Variants in PRCD observed in about 807,000 individuals in gnomAD.
PRCD encodes the protein photoreceptor disc component, also known as photoreceptor disk component PRCD.
A neutral mutation model predicts 10.1 loss-of-function variants in PRCD; 12 were observed. That is an observed-to-expected ratio of 1.18 (90% confidence interval 0.76 to 1.92). The LOEUF (loss-of-function observed/expected upper bound fraction) is 1.92. Among genes scored for constraint, PRCD ranks in the 40% most tolerant of loss-of-function variants. The pLI is 0.00. For missense variants in PRCD, 61 were observed against 72.2 expected (o/e 0.84, Z 0.56); for synonymous variants, 31 against 26.2 (o/e 1.18, Z -0.56).
Position 76,542,497 on chromosome 17 carries a change from GA to G in PRCD, c.144-53del. 1.9e-6 allele frequency: 3 copies of G among 1,609,788 alleles called. No homozygotes were observed. In the South Asian group the frequency reaches 3.3e-5, roughly 18 times the overall value. ...GGGAGGAGGAGGAAGAGGAGAGTCA[GA>G]AACATGGGAAGGTCGTGCCCTTCAA... On this transcript the variant is annotated intron_variant, in intron 2 of 4. Transcript: ENST00000592014.
intron 2 of PRCD, 50 bp from the exon 3 acceptor site, chr17:76,542,503 T>C: frequency 6.2e-7 from 1 of 1,609,150 alleles, no homozygotes; most frequent in Non-Finnish European, 8.5e-7. Flanking sequence ...GTCAGAAACA[T>C]GGGAAGGTCG....
In PRCD at chr17:76,543,972, G is replaced by T; in HGVS notation, c.*322G>T. 6.5e-6 allele frequency: 3 copies of T among 464,390 alleles called. No individual in the cohort carries two copies. Among genetic ancestry groups the T allele is most frequent in the South Asian group, 4.7e-5 (3 of 64,502 alleles). The allele number at this position is 464,390 out of a possible 1,614,324, so 28.8% of individuals were successfully genotyped here. A position where few individuals can be genotyped will look rare whatever the true frequency, so the allele number is the denominator to read the frequency against. ...GCGTGTGTTCCAAACGGGCAGTAGC[G>T]TGTGGGAAGGAAAAAGCCTGACACT... On this transcript the variant is annotated 3_prime_UTR_variant, in exon 5 of 5. Transcript: ENST00000592014.
chr17:76,528,456 G>A lies in PRCD; in HGVS notation n.45+623G>A, dbSNP rs1205872383. ...TGGCCGCCACAGAGGCCTCCTTCGG[G>A]GAAGTTGAGTCAGGGATTCCTCCAG... On this transcript the variant is annotated intron_variant and non_coding_transcript_variant, in intron 1 of 4. Coordinates refer to the PRCD transcript ENST00000397633. This position sits in a 1 kb window ranked among gnomAD's most constrained non-coding sequence, Gnocchi z 5.8. 5.2e-6 allele frequency: 5 copies of A among 966,468 alleles called. No individual in the cohort carries two copies. The South Asian group carries it at 1.2e-4, about 23-fold the overall frequency. 59.9% of individuals were successfully genotyped at this position (966,468 alleles called of 1,614,324 possible).
rs1050578466 is a variant in PRCD at position 76,531,582 on chromosome 17, C to A, written n.45+3749C>A. ...ACGACAGTGTTGAGGGCCCCCATGA[C>A]TCGGCAGGCGTGCTTCCGCAGCTGG... is the stretch of plus-strand genomic sequence containing the variant. On this transcript the variant is annotated intron_variant and non_coding_transcript_variant, in intron 1 of 4. Transcript: ENST00000397633. This position sits in a 1 kb window ranked among gnomAD's most constrained non-coding sequence, Gnocchi z 7.4. 6.2e-7 allele frequency: 1 copy of A among 1,614,080 alleles called. No homozygotes were observed. The highest frequency in any genetic ancestry group is 1.7e-5 in the Admixed American group (1 of 60,028).
chr17:76,528,564 T>G lies in PRCD; in HGVS notation n.45+731T>G, dbSNP rs775552141. On this transcript the variant is annotated intron_variant and non_coding_transcript_variant, in intron 1 of 4. Transcript: ENST00000397633. The surrounding 1 kb of genome is among the most constrained non-coding windows in gnomAD (Gnocchi z 5.8). ...CTCGAGGTGCTGCCAGGGAGGGGGGTGGAGTTAGGGGTCCTACGGCCCCGA... is the reference window on the plus strand; with the variant it reads ...CTCGAGGTGCTGCCAGGGAGGGGGGGGGAGTTAGGGGTCCTACGGCCCCGA... The G allele has an allele frequency of 4.9e-5, 62 of 1,260,722 alleles. No homozygotes were observed. The highest frequency in any genetic ancestry group is 1.9e-4 in the African/African-American group (12 of 61,780). The allele number at this position is 1,260,722 out of a possible 1,614,324, so 78.1% of individuals were successfully genotyped here. A position where few individuals can be genotyped will look rare whatever the true frequency, so the allele number is the denominator to read the frequency against.
At chr17:76,529,265 G>C in intron 1 of PRCD, 2 of 985,458 alleles carry the variant, frequency 2.0e-6, no homozygotes, top group Non-Finnish European at 2.4e-6. Flanking sequence ...GGGTGGGCTA[G>C]AGGGTGTAAA....
chr17:76,553,500 T>C (rs2075130517), exon 2 of PRCD: 2 of 152,252 alleles, frequency 1.3e-5, no homozygotes, highest in African/African-American at 4.8e-5. Flanking sequence ...ATGTAAGCAG[T>C]TGGCTGTCTG....
At chr17:76,534,146 T>TTCTCTCTCTCTTTCTCTTTC (rs2074886183) in intron 1 of PRCD, among the ~76,000 whole-genome samples, 1 of 128,902 alleles carries the variant, frequency 7.8e-6, no homozygotes, top group African/African-American at 2.7e-5. Flanking sequence ...CTCTTTCTCT[T>TTCTCTCTCTCTTTCTCTTTC]TCTCTCTCTC....
chr17:76,543,472 C>T, intron 4 of PRCD: 1 of 341,420 alleles, frequency 2.9e-6, no homozygotes, highest in South Asian at 2.3e-5. Context: ...ATTTAATCTT[C>T]AGTCACCCAC....
At position 76,543,089 on chromosome 17, in the gene PRCD, G is replaced by C. The variant is rs1202405856; in HGVS notation, c.*120G>C. ...GCTGTGGGAGCTGCAGCAGCGGCAA[G>C]AGGGAGAATGGGGGGAAGCAGCACT... On this transcript the variant is annotated 3_prime_UTR_variant, in exon 4 of 5. Transcript: ENST00000592014. 1 of 471,500 alleles carries C rather than the reference G, an allele frequency of 2.1e-6. No individual in the cohort carries two copies. The highest frequency in any genetic ancestry group is 1.5e-5 in the South Asian group (1 of 64,568). 29.2% of individuals were successfully genotyped at this position (471,500 alleles called of 1,614,324 possible). A position where few individuals can be genotyped will look rare whatever the true frequency, so the allele number is the denominator to read the frequency against.
chr17:76,534,413 C>T (rs557879097), intron 1 of PRCD, among the ~76,000 whole-genome samples: 20 of 152,192 alleles, frequency 1.3e-4, no homozygotes, highest in Non-Finnish European at 2.5e-4. Flanking sequence ...TCCTGACCTC[C>T]GGTGATCTGC....
In PRCD at chr17:76,533,648, G is replaced by A. The variant is rs1398820425; in HGVS notation, n.45+5815G>A. ...TAAAGTGGGAGGATCACTTGAACCC[G>A]GGAGGCCAAGGCTGCAGGGAGCCAA... On this transcript the variant is annotated intron_variant and non_coding_transcript_variant, in intron 1 of 4. Transcript: ENST00000397633. This position sits in a 1 kb window ranked among gnomAD's most constrained non-coding sequence, Gnocchi z 4.5. 3.9e-5 allele frequency among the ~76,000 whole-genome samples: 6 copies of A among 152,048 alleles called. No individual in the cohort carries two copies. Among genetic ancestry groups the A allele is most frequent in the Admixed American group, 1.3e-4 (2 of 15,252 alleles).
At chr17:76,534,340 G>A (rs567341609) in intron 1 of PRCD, among the ~76,000 whole-genome samples, 17 of 152,140 alleles carry the variant, frequency 1.1e-4, no homozygotes, top group South Asian at 2.1e-4. Context: ...CACCACACCC[G>A]GCTAATTTTT....
upstream of PRCD, among the ~76,000 whole-genome samples, chr17:76,539,606 A>C (rs1321493684): frequency 1.3e-5 from 2 of 151,460 alleles, no homozygotes; most frequent in Non-Finnish European, 2.9e-5. Flanking sequence ...TCATTGCTTC[A>C]CCTCCATTCA....
At chr17:76,536,960 C>T (rs1415693382), upstream of PRCD, among the ~76,000 whole-genome samples, 1 of 152,228 alleles carries the variant, frequency 6.6e-6, no homozygotes, top group Admixed American at 6.5e-5. Flanking sequence ...TCCCGCAAGC[C>T]GCTGAGCTGG....
chr17:76,540,534 G>T lies in PRCD; in HGVS notation c.104G>T (p.Arg35Met), dbSNP rs764158636. The T allele has an allele frequency of 6.2e-7, 1 of 1,613,564 alleles. No individual in the cohort carries two copies. Among genetic ancestry groups the T allele is most frequent in the African/African-American group, 1.3e-5 (1 of 74,924 alleles). The change falls in exon 2 of 5, where the codon AGG becomes ATG. Residue 35 changes from arginine to methionine, a missense_variant. Physicochemically the swap from Arg to Met is moderately conservative, Grantham distance 91. Coordinates refer to ENST00000592014, the MANE Select transcript of PRCD (RefSeq NM_001077620.3). This position sits in a 1 kb window ranked among gnomAD's most constrained non-coding sequence, Gnocchi z 5.0. ...CCCAGCGACGTGGATGGGGCAGCTAGGGGCAGCAGCTTGGATGCGGACCCT... is the reference window on the plus strand; with the variant it reads ...CCCAGCGACGTGGATGGGGCAGCTATGGGCAGCAGCTTGGATGCGGACCCT... ...PEPSDVDGAA[R>M]GSSLDADPQS...
In PRCD at chr17:76,531,809, T is replaced by C; in HGVS notation, n.45+3976T>C. ...CGCAGTGCTCCCCACCCCCGCACCG[T>C]CACTGTTTTCACTACCATCAGTAGA... On this transcript the variant is annotated intron_variant and non_coding_transcript_variant, in intron 1 of 4. Coordinates refer to the PRCD transcript ENST00000397633. The surrounding 1 kb of genome is among the most constrained non-coding windows in gnomAD (Gnocchi z 7.4). 2.6e-6 allele frequency: 2 copies of C among 759,758 alleles called. No individual in the cohort carries two copies. Among genetic ancestry groups the C allele is most frequent in the Non-Finnish European group, 4.2e-6 (2 of 471,934 alleles). 47.1% of individuals were successfully genotyped at this position (759,758 alleles called of 1,614,324 possible).
chr17:76,537,571 C>T, upstream of PRCD: 1 of 1,297,654 alleles, frequency 7.7e-7, no homozygotes, highest in Non-Finnish European at 9.9e-7. Flanking sequence ...CCCGGCTTTG[C>T]TCGGCGGCGG....
chr17:76,531,247 C>A lies in PRCD; in HGVS notation n.45+3414C>A. 1 of 1,344,178 alleles carries A rather than the reference C, an allele frequency of 7.4e-7. No individual in the cohort carries two copies. Among genetic ancestry groups the A allele is most frequent in the Non-Finnish European group, 1.0e-6 (1 of 979,368 alleles). 83.3% of individuals were successfully genotyped at this position (1,344,178 alleles called of 1,614,324 possible). ...GTGGCCGAGAGGATCATTCCTAACG[C>A]AACAGTCTGGCAGCTTTGGGAACCC... On this transcript the variant is annotated intron_variant and non_coding_transcript_variant, in intron 1 of 4. Coordinates refer to the PRCD transcript ENST00000397633. The surrounding 1 kb of genome is among the most constrained non-coding windows in gnomAD (Gnocchi z 7.4).
Sources: allele counts gnomAD v4.1 joint callset (sites outside exome capture counted in the v4.1 genomes callset), GRCh38; gene constraint gnomAD v4.1.1; non-coding constraint Gnocchi (gnomAD v3.1); transcripts MANE v1.5; gene names NCBI Gene and HGNC (gene_info 2026-07-23, HGNC 2026-07-21).